Variants in KRT25 observed in about 807,000 individuals in gnomAD.
KRT25 encodes keratin, type I cytoskeletal 25.
In KRT25, 37 loss-of-function variants were observed where a neutral mutation model predicts 47.6. That is an observed-to-expected ratio of 0.78 (90% CI 0.60 to 1.02). The LOEUF (loss-of-function observed/expected upper bound fraction) is 1.02. Among genes scored for constraint, KRT25 ranks in the 50% least tolerant of loss-of-function variants. KRT25 has a pLI of 0.00. For missense variants in KRT25, 542 were observed against 550.3 expected (o/e 0.98, Z 0.15); for synonymous variants, 203 against 210.2 (o/e 0.97, Z 0.30).
chr17:40,748,158 A>C lies in KRT25; in HGVS notation c.*119T>G, dbSNP rs2038013147. ...GCTGTCATTGATTGCCCAGAAAGAA[A>C]GTAACAGAAAGACAACAGGTTAGAC... On this transcript the variant is annotated 3_prime_UTR_variant, in exon 8 of 8. Transcript: ENST00000312150. The C allele has an allele frequency of 3.3e-6, 2 of 599,808 alleles. No individual in the cohort carries two copies. The highest frequency in any genetic ancestry group is 5.7e-6 in the Non-Finnish European group (2 of 348,942). The allele number at this position is 599,808 out of a possible 1,614,324, so 37.2% of individuals were successfully genotyped here. A position where few individuals can be genotyped will look rare whatever the true frequency, so the allele number is the denominator to read the frequency against.
At chr17:40,750,354 C>T in intron 6 of KRT25, 26 bp downstream of exon 6, 1 of 1,608,660 alleles carries the variant, frequency 6.2e-7, no homozygotes, top group South Asian at 1.1e-5. Flanking sequence ...GTATATTACG[C>T]CATCTATGCA....
At chr17:40,751,851 T>G (rs2038051029) in intron 3 of KRT25, among the ~76,000 whole-genome samples, 1 of 141,498 alleles carries the variant, frequency 7.1e-6, no homozygotes. Context: ...GATAAATAAA[T>G]AAATGTATGT....
At chr17:40,749,933 C>G (rs1306121370) in intron 6 of KRT25, among the ~76,000 whole-genome samples, 1 of 151,962 alleles carries the variant, frequency 6.6e-6, no homozygotes, top group Non-Finnish European at 1.5e-5. Context: ...CACAGAAGAA[C>G]TTTCTGGGGT....
At chr17:40,753,722 A>AAAAAC (rs2038075328) in intron 3 of KRT25, 138 bp downstream of exon 3, 1 of 251,194 alleles carries the variant, frequency 4.0e-6, no homozygotes, top group Non-Finnish European at 7.5e-6. Context: ...AAAAAAAAAA[A>AAAAAC]AGACAGCTCA....
intron 3 of KRT25, among the ~76,000 whole-genome samples, chr17:40,753,600 C>G (rs1047831163): frequency 2.1e-5 from 3 of 141,076 alleles, no homozygotes; most frequent in Non-Finnish European, 3.0e-5. Context: ...AGGAGAATGC[C>G]GTGAACCCAG....
chr17:40,754,597 A>G, intron 1 of KRT25, 129 bp from the exon 2 acceptor site: 12 of 876,992 alleles, frequency 1.4e-5, no homozygotes, highest in Non-Finnish European at 2.0e-5. Context: ...AGGCACCTGT[A>G]ATCCCAGCTA....
intron 7 of KRT25, among the ~76,000 whole-genome samples, chr17:40,749,043 T>C (rs944410395): frequency 6.6e-6 from 1 of 152,036 alleles, no homozygotes; most frequent in African/African-American, 2.4e-5. Flanking sequence ...AGATACTGGG[T>C]TCTACTTGAG....
rs1406570944 is a variant in KRT25 at position 40,750,562 on chromosome 17, C to G, written c.993G>C (p.Glu331Asp). 6.2e-7 allele frequency: 1 copy of G among 1,614,238 alleles called. No homozygotes were observed. Among genetic ancestry groups the G allele is most frequent in the East Asian group, 2.2e-5 (1 of 44,874 alleles). The change falls in exon 6 of 8, where the codon GAG becomes GAC. Residue 331 changes from glutamate (E) to aspartate (D), a missense_variant. By Grantham distance (45) the Glu-to-Asp change is conservative. Transcript: ENST00000312150. Reference protein sequence around the residue: ...HSLECSLTETESNYCAQLAQI... With the variant: ...HSLECSLTETDSNYCAQLAQI... ...GCGCCAGCTGCGCACAGTAGTTGCT[C>G]TCGGTCTCTGTCAAGGAGCACTCCA... is the stretch of plus-strand genomic sequence containing the variant.
intron 5 of KRT25, 117 bp downstream of exon 5, chr17:40,750,837 G>A (rs2038039167): frequency 5.1e-6 from 7 of 1,361,842 alleles, no homozygotes; most frequent in Non-Finnish European, 7.1e-6. Flanking sequence ...CTTTCCTTAT[G>A]TTTTGAGACA....
chr17:40,755,005 G>A lies in KRT25; in HGVS notation c.267C>T (p.Arg89=), dbSNP rs377512930. The change falls in exon 1 of 8, where the codon CGC becomes CGT. Residue 89 remains arginine, a synonymous_variant. Coordinates refer to ENST00000312150, the MANE Select transcript of KRT25 (RefSeq NM_181534.4). ...EKVTMQNLND[R]LASYLDSVHA... is the part of the protein sequence containing the mutation. ...GCACACTGTCCAGGTAGGATGCCAG[G>A]CGGTCATTGAGGTTCTGCATGGTCA... The A allele has an allele frequency of 2.5e-6, 4 of 1,614,058 alleles. No individual in the cohort carries two copies. The African/African-American group carries it at 5.3e-5, about 22-fold the overall frequency.
chr17:40,753,802 C>T, intron 3 of KRT25, 58 bp downstream of exon 3: 1 of 1,389,922 alleles, frequency 7.2e-7, no homozygotes, highest in Non-Finnish European at 9.8e-7. Flanking sequence ...TACATTATCT[C>T]CTGTCAGGTG....
At position 40,754,001 on chromosome 17, in the gene KRT25, C is replaced by T; in HGVS notation, c.528G>A (p.Leu176=). 1.9e-6 allele frequency: 3 copies of T among 1,614,102 alleles called. No homozygotes were observed. The highest frequency in any genetic ancestry group is 1.7e-6 in the Non-Finnish European group (2 of 1,180,002). ...DDFRLKYENE[L]ALHQSVEADV... is the part of the protein sequence containing the mutation. ...CAGCCTCTACACTCTGGTGAAGAGC[C>T]AGCTCATTTTCATACCTTAAAGAGT... Residue 176 remains leucine (L), a synonymous_variant, in exon 3 of 8, where the codon CTG becomes CTA. Coordinates refer to ENST00000312150, the MANE Select transcript of KRT25 (RefSeq NM_181534.4).
At chr17:40,752,421 G>A (rs2038058135) in intron 3 of KRT25, among the ~76,000 whole-genome samples, 1 of 152,062 alleles carries the variant, frequency 6.6e-6, no homozygotes, top group Admixed American at 6.6e-5. Context: ...TTCATGAATT[G>A]GTCTTAATGA....
At position 40,748,313 on chromosome 17, in the gene KRT25, C is replaced by A. The variant is rs764991038; in HGVS notation, c.1317G>T (p.Arg439Ser). The A allele has an allele frequency of 1.3e-5, 21 of 1,612,314 alleles. No homozygotes were observed. Among genetic ancestry groups the A allele is most frequent in the East Asian group, 6.7e-5 (3 of 44,786 alleles). The change falls in exon 8 of 8, where the codon AGG (arginine) becomes AGT (serine). Residue 439 changes from arginine to serine, a missense_variant. Coordinates refer to ENST00000312150, the MANE Select transcript of KRT25 (RefSeq NM_181534.4). ...GAGATTTCTCTTCCAGGGAGTGGAG[C>A]CTGGTGGTAAGTATTTTGCTGCGTT... Reference protein sequence around the residue: ...VDQRSKILTTRLHSLEEKSQS... With the variant: ...VDQRSKILTTSLHSLEEKSQS...
intron 6 of KRT25, among the ~76,000 whole-genome samples, chr17:40,750,023 C>T (rs1280561685): frequency 6.6e-6 from 1 of 152,234 alleles, no homozygotes; most frequent in South Asian, 2.1e-4. Context: ...AGACTTGTGG[C>T]CATGGGACTT....
chr17:40,750,383 T>A lies in KRT25; in HGVS notation c.1172A>T (p.Asp391Val). The change falls in exon 6 of 8, where the codon GAT (aspartate) becomes GTT (valine). Residue 391 changes from aspartate to valine, a missense_variant. Coordinates refer to ENST00000312150, the MANE Select transcript of KRT25 (RefSeq NM_181534.4). ...CTATGCAGATTATTTTACCTACCCA[T>A]CATCTCCTCCTATAAGGAGACAGTA... ...ETYCLLIGGDDGACKSGGYKS... is the reference protein window; with the variant it reads ...ETYCLLIGGDVGACKSGGYKS... The A allele has an allele frequency of 6.2e-7, 1 of 1,613,770 alleles. No homozygotes were observed. The highest frequency in any genetic ancestry group is 8.5e-7 in the Non-Finnish European group (1 of 1,179,654).
At position 40,749,336 on chromosome 17, in the gene KRT25, A is replaced by C. The variant is rs766439114; in HGVS notation, c.1176-11T>G. The stretch of plus-strand genomic sequence containing the variant: ...CCAGACTTACAGGCTCTGTGAAAAC[A>C]TCGCAAAAGAGGGTGATTTAGAGAG... On this transcript the variant is annotated splice_polypyrimidine_tract_variant and intron_variant, in intron 6 of 7. Transcript: ENST00000312150. 9 of 1,604,402 alleles carry C rather than the reference A, an allele frequency of 5.6e-6. No individual in the cohort carries two copies. Among genetic ancestry groups the C allele is most frequent in the Admixed American group, 1.7e-5 (1 of 59,890 alleles).
In KRT25 at chr17:40,751,251, T is replaced by C. The variant is rs992152568; in HGVS notation, c.745A>G (p.Thr249Ala). ...GCTCGCATGTTGTTCAGCAGAACTG[T>C]GAGGTCCACCCCGGGGGCTGCGTTC... ...EMNAAPGVDL[T>A]VLLNNMRAEY... The change falls in exon 4 of 8, where the codon ACA becomes GCA. Residue 249 changes from threonine to alanine, a missense_variant. Transcript: ENST00000312150. 2.4e-5 allele frequency: 39 copies of C among 1,614,184 alleles called. No homozygotes were observed. Among genetic ancestry groups the C allele is most frequent in the Non-Finnish European group, 3.2e-5 (38 of 1,179,988 alleles).
chr17:40,751,341 G>A lies in KRT25; in HGVS notation c.670-15C>T. The A allele has an allele frequency of 6.2e-7, 1 of 1,602,034 alleles. No homozygotes were observed. The highest frequency in any genetic ancestry group is 8.5e-7 in the Non-Finnish European group (1 of 1,174,456). ...ACTTGCATTTCCTAGAGGCAGAAAA[G>A]TGTTCTGCTCAGCTCTGCAGGAATC... On this transcript the variant is annotated splice_polypyrimidine_tract_variant and intron_variant, in intron 3 of 7. Transcript: ENST00000312150.
Sources: allele counts gnomAD v4.1 joint callset (sites outside exome capture counted in the v4.1 genomes callset), GRCh38; gene constraint gnomAD v4.1.1; transcripts MANE v1.5; gene names NCBI Gene and HGNC (gene_info 2026-07-23, HGNC 2026-07-21).